Variants in LHPP observed in about 807,000 individuals in gnomAD.
The protein encoded by LHPP is phospholysine phosphohistidine inorganic pyrophosphate phosphatase.
A neutral mutation model predicts 30.3 loss-of-function variants in LHPP; 24 were observed. That is an observed-to-expected ratio of 0.79 (90% CI 0.57 to 1.11). The LOEUF (loss-of-function observed/expected upper bound fraction) is 1.11, where lower values mean the gene tolerates loss of function less well. Among genes scored for constraint, LHPP ranks in the 50% most tolerant of loss-of-function variants. LHPP has a pLI of 0.00. For missense variants in LHPP, 356 were observed against 367.2 expected (o/e 0.97, Z 0.25); for synonymous variants, 150 against 157.1 (o/e 0.95, Z 0.34).
intron 6 of LHPP, among the ~76,000 whole-genome samples, chr10:124,559,155 G>A (rs1008932945): frequency 6.6e-6 from 1 of 152,208 alleles, no homozygotes; most frequent in Non-Finnish European, 1.5e-5. Context: ...CAGCGGGCAA[G>A]GTTTCTACCC....
chr10:124,526,956 G>A (rs570259200), intron 6 of LHPP, among the ~76,000 whole-genome samples: 82 of 152,328 alleles, frequency 5.4e-4, no homozygotes, highest in Non-Finnish European at 1.0e-3. Flanking sequence ...TGTGGCCACC[G>A]TCCTAGCCAG....
intron 1 of LHPP, among the ~76,000 whole-genome samples, chr10:124,472,702 C>T (rs1473797431): frequency 2.6e-5 from 4 of 151,958 alleles, no homozygotes; most frequent in African/African-American, 4.8e-5. Flanking sequence ...GGACTACAGG[C>T]GCCTGCCACC....
At chr10:124,562,823 T>G (rs1344398041) in intron 6 of LHPP, among the ~76,000 whole-genome samples, 5 of 151,666 alleles carry the variant, frequency 3.3e-5, no homozygotes, top group Non-Finnish European at 5.9e-5. Flanking sequence ...TTCCAGCTAC[T>G]TGGGAGGTTG....
At chr10:124,539,287 C>T (rs1264162735) in intron 6 of LHPP, among the ~76,000 whole-genome samples, 1 of 152,204 alleles carries the variant, frequency 6.6e-6, no homozygotes, top group South Asian at 2.1e-4. Flanking sequence ...CCCAAGGCCA[C>T]GTCCTGCTCA....
intron 6 of LHPP, among the ~76,000 whole-genome samples, chr10:124,603,452 G>A (rs1163869945): frequency 6.6e-6 from 1 of 152,212 alleles, no homozygotes; most frequent in African/African-American, 2.4e-5. Flanking sequence ...TCCAAGGGAG[G>A]TCCCAGCCAG....
At chr10:124,553,585 A>C (rs1015565615) in intron 6 of LHPP, among the ~76,000 whole-genome samples, 2 of 149,818 alleles carry the variant, frequency 1.3e-5, no homozygotes, top group Admixed American at 6.7e-5. Context: ...CAGCCTCCCG[A>C]GTAGCTGGGA....
intron 5 of LHPP, among the ~76,000 whole-genome samples, chr10:124,501,601 T>TA (rs1046422221): frequency 0.051 from 5,899 of 116,318 alleles, 335 homozygotes; most frequent in East Asian, 0.13. Flanking sequence ...GACTCTGTCT[T>TA]AAAAAAAAAA....
At chr10:124,573,439 G>A (rs1262580476) in intron 6 of LHPP, among the ~76,000 whole-genome samples, 1 of 152,150 alleles carries the variant, frequency 6.6e-6, no homozygotes, top group Admixed American at 6.5e-5. Flanking sequence ...AGCCTCCCAA[G>A]TAGGTGGGAG....
chr10:124,536,407 C>T (rs1955029712), intron 6 of LHPP, among the ~76,000 whole-genome samples: 1 of 152,248 alleles, frequency 6.6e-6, no homozygotes, highest in Admixed American at 6.5e-5. Context: ...TCCGAGGCCA[C>T]CCCAGCCAGG....
chr10:124,542,374 C>T (rs1470001394), intron 6 of LHPP, among the ~76,000 whole-genome samples: 2 of 152,226 alleles, frequency 1.3e-5, no homozygotes, highest in Non-Finnish European at 1.5e-5. Context: ...TCTCCACCTA[C>T]AGGTGAGGGC....
Position 124,567,483 on chromosome 10 carries a change from T to A in LHPP, c.717-45781T>A, listed in dbSNP as rs138773159. ...GTAGAAAACGTAAGTGAGGTTCTTG[T>A]CTGGCCGCCCGGCTCATAGCAATGT... On this transcript the variant is annotated intron_variant, in intron 6 of 6. Transcript: ENST00000368842. Among the ~76,000 whole-genome samples the A allele has an allele frequency of 1.8e-3, 277 of 152,398 alleles. 3 individuals are homozygous for A. The highest frequency in any genetic ancestry group is 0.015 in the Admixed American group (230 of 15,314).
At chr10:124,511,904 C>T (rs570635161) in intron 5 of LHPP, among the ~76,000 whole-genome samples, 27 of 152,172 alleles carry the variant, frequency 1.8e-4, no homozygotes, top group East Asian at 5.9e-4. Flanking sequence ...CCCTGCTGGG[C>T]GTGTCCCACC....
rs2134006905 is a variant in LHPP at position 124,596,756 on chromosome 10, A to G, written c.717-16508A>G. 6.6e-6 allele frequency among the ~76,000 whole-genome samples: 1 copy of G among 152,338 alleles called. No individual in the cohort carries two copies. The highest frequency in any genetic ancestry group is 2.4e-5 in the African/African-American group (1 of 41,576). ...CTGCTTCCTAAGCAAACAGGCCAGG[A>G]CAGAGGCTGCAGGTATAAGCCCTGC... is the stretch of plus-strand genomic sequence containing the variant. On this transcript the variant is annotated intron_variant, in intron 6 of 6. Coordinates refer to ENST00000368842, the MANE Select transcript of LHPP (RefSeq NM_022126.4). The surrounding 1 kb of genome is among the most constrained non-coding windows in gnomAD (Gnocchi z 4.6).
At chr10:124,492,619 C>G (rs1002995433) in intron 3 of LHPP, among the ~76,000 whole-genome samples, 9 of 152,220 alleles carry the variant, frequency 5.9e-5, no homozygotes, top group African/African-American at 2.2e-4. Context: ...CATCCAAAAA[C>G]ACCTTCACAG....
chr10:124,504,074 C>T (rs1289897543), intron 5 of LHPP, among the ~76,000 whole-genome samples: 1 of 152,116 alleles, frequency 6.6e-6, no homozygotes, highest in Non-Finnish European at 1.5e-5. Context: ...TGCCTGTAAT[C>T]CCAGCTACTC....
chr10:124,613,295 G>A lies in LHPP; in HGVS notation c.748G>A (p.Ala250Thr). ...TGACGAGCACCATCCGGAAGTGAAG[G>A]CTGATGGGTACGTGGACAACCTCGC... Reference protein sequence around the residue: ...PSDEHHPEVKADGYVDNLAEA... With the variant: ...PSDEHHPEVKTDGYVDNLAEA... Residue 250 changes from alanine (A) to threonine (T), a missense_variant, in exon 7 of 7, where the codon GCT becomes ACT. By Grantham distance (58) the Ala-to-Thr change is moderately conservative. Transcript: ENST00000368842. The A allele has an allele frequency of 6.2e-7, 1 of 1,613,558 alleles. No homozygotes were observed. The highest frequency in any genetic ancestry group is 1.7e-5 in the Admixed American group (1 of 60,022).
At chr10:124,549,593 T>C (rs1955428791) in intron 6 of LHPP, among the ~76,000 whole-genome samples, 1 of 152,262 alleles carries the variant, frequency 6.6e-6, no homozygotes, top group Admixed American at 6.5e-5. Context: ...TAACAGTTCA[T>C]AGAAGAAATC....
At chr10:124,484,760 G>T (rs974963424) in intron 2 of LHPP, among the ~76,000 whole-genome samples, 1 of 152,038 alleles carries the variant, frequency 6.6e-6, no homozygotes, top group African/African-American at 2.4e-5. Context: ...AGCTTCTAAC[G>T]TCTGGCACCA....
At chr10:124,501,571 C>T (rs1953899284) in intron 5 of LHPP, among the ~76,000 whole-genome samples, 1 of 147,432 alleles carries the variant, frequency 6.8e-6, no homozygotes, top group South Asian at 2.1e-4. Flanking sequence ...AACTGTGCTC[C>T]AGCCTGGGCG....
Sources: gnomAD v4.1 joint callset for allele counts (sites outside exome capture counted in the v4.1 genomes callset) on GRCh38, gnomAD v4.1.1 for gene constraint, Gnocchi (gnomAD v3.1) non-coding constraint, MANE v1.5 for transcripts, NCBI Gene and HGNC (gene_info 2026-07-23, HGNC 2026-07-21) for gene names.